Variants in DAAM1 observed in about 807,000 individuals in gnomAD.
DAAM1 encodes disheveled-associated activator of morphogenesis 1.
Under a neutral mutation model 130.0 loss-of-function variants are expected in DAAM1, and 52 were observed. That is an observed-to-expected ratio of 0.40 (90% CI 0.32 to 0.50). The LOEUF is 0.50. DAAM1 is among the 20% of genes least tolerant of loss of function. The pLI is 0.61. For synonymous variants in DAAM1, 452 were observed against 444.5 expected (o/e 1.02, Z -0.21); for missense variants, 1,134 against 1,303.8 (o/e 0.87, Z 2.01).
At chr14:59,241,341 G>A (rs1349726738) in intron 1 of DAAM1, among the ~76,000 whole-genome samples, 1 of 152,208 alleles carries the variant, frequency 6.6e-6, no homozygotes, top group Non-Finnish European at 1.5e-5. Context: ...TGGAACATCA[G>A]CCATATGGTT....
intron 1 of DAAM1, among the ~76,000 whole-genome samples, chr14:59,211,947 A>G (rs1003967718): frequency 6.6e-6 from 1 of 152,210 alleles, no homozygotes; most frequent in African/African-American, 2.4e-5. Flanking sequence ...GATAAATTTT[A>G]AGAAATATAA....
At chr14:59,341,564 A>G (rs1885849288) in intron 16 of DAAM1, among the ~76,000 whole-genome samples, 1 of 152,124 alleles carries the variant, frequency 6.6e-6, no homozygotes, top group Non-Finnish European at 1.5e-5. Context: ...ACTGTGCCTG[A>G]TTTATAAATT....
chr14:59,274,514 A>G (rs1281775753), intron 2 of DAAM1, among the ~76,000 whole-genome samples: 1 of 152,162 alleles, frequency 6.6e-6, no homozygotes, highest in East Asian at 1.9e-4. Flanking sequence ...CTCAGGTGTT[A>G]TATCTGACTT....
chr14:59,363,573 A>C, intron 22 of DAAM1, 78 bp from the exon 23 acceptor site: 1 of 1,576,214 alleles, frequency 6.3e-7, no homozygotes. Context: ...AATTTAAGGC[A>C]TGTGAAATAT....
chr14:59,353,748 G>A (rs1364742523), intron 18 of DAAM1, 128 bp from the exon 19 acceptor site: 4 of 785,058 alleles, frequency 5.1e-6, no homozygotes, highest in African/African-American at 1.7e-5. Flanking sequence ...AACAACTAAT[G>A]TATGTGTGTC....
chr14:59,339,491 T>C (rs1885761425), intron 15 of DAAM1, among the ~76,000 whole-genome samples: 1 of 152,244 alleles, frequency 6.6e-6, no homozygotes, highest in Non-Finnish European at 1.5e-5. Flanking sequence ...CCTTTTATTG[T>C]TAGTTCAGGT....
chr14:59,297,271 A>T (rs1883990251), intron 3 of DAAM1, among the ~76,000 whole-genome samples: 1 of 152,174 alleles, frequency 6.6e-6, no homozygotes, highest in African/African-American at 2.4e-5. Flanking sequence ...TGGTTGACCA[A>T]CATTTTGAAC....
chr14:59,311,739 G>A (rs1884605071), intron 3 of DAAM1, among the ~76,000 whole-genome samples: 1 of 152,068 alleles, frequency 6.6e-6, no homozygotes, highest in Non-Finnish European at 1.5e-5. Context: ...TTTATTGTTT[G>A]TGAGATAGGA....
In DAAM1 at chr14:59,351,615, CTGA is replaced by C. The variant is rs369659828; in HGVS notation, c.2161-907_2161-905del. On this transcript the variant is annotated intron_variant, in intron 17 of 24. Coordinates refer to ENST00000360909, the MANE Select transcript of DAAM1 (RefSeq NM_001270520.2). ...CTGTAATTCCAATTCCCTCTCTCTG[CTGA>C]TGACACCCAGACTAACTGCCTTTTC... Among the ~76,000 whole-genome samples the C allele has an allele frequency of 4.7e-4, 72 of 152,302 alleles. No individual in the cohort carries two copies. In the East Asian group the frequency reaches 9.4e-3, roughly 20 times the overall value.
intron 3 of DAAM1, among the ~76,000 whole-genome samples, chr14:59,298,439 G>C (rs1245548373): frequency 6.6e-6 from 1 of 152,258 alleles, no homozygotes; most frequent in South Asian, 2.1e-4. Context: ...CCGTTTACCT[G>C]TTTAGGCAAT....
chr14:59,367,995 T>A, intron 24 of DAAM1, among the ~76,000 whole-genome samples: 1 of 152,134 alleles, frequency 6.6e-6, no homozygotes, highest in Non-Finnish European at 1.5e-5. Context: ...TTGAAAGACA[T>A]GTATTCAAAG....
chr14:59,218,843 T>A (rs1451454509), intron 1 of DAAM1, among the ~76,000 whole-genome samples: 2 of 152,220 alleles, frequency 1.3e-5, no homozygotes, highest in Non-Finnish European at 2.9e-5. Context: ...TATAAATTTA[T>A]AAATACAAGA....
At chr14:59,363,839 T>C in intron 23 of DAAM1, 57 bp downstream of exon 23, 1 of 1,602,450 alleles carries the variant, frequency 6.2e-7, no homozygotes, top group East Asian at 2.2e-5. Flanking sequence ...TTCAGTGTGA[T>C]ACTTTCAGTT....
chr14:59,363,616 G>A (rs375794607), intron 22 of DAAM1, 35 bp from the exon 23 acceptor site: 139 of 1,612,882 alleles, frequency 8.6e-5, no homozygotes, highest in Non-Finnish European at 1.1e-4. Flanking sequence ...TGTATTTGAA[G>A]CCTGCATTGA....
At chr14:59,338,462 A>C (rs1396086039) in intron 15 of DAAM1, 1 of 1,599,450 alleles carries the variant, frequency 6.3e-7, no homozygotes, top group African/African-American at 1.3e-5. Flanking sequence ...TCCTTGGCTC[A>C]CTGTAAGCTT....
chr14:59,194,190 G>T (rs1887818946), intron 1 of DAAM1, among the ~76,000 whole-genome samples: 1 of 152,172 alleles, frequency 6.6e-6, no homozygotes, highest in Non-Finnish European at 1.5e-5. Context: ...AACTCGAGTT[G>T]GGGTAATCAC....
rs1417933282 is a variant in DAAM1 at position 59,342,346 on chromosome 14, C to A, written c.2075+2166C>A. ...ATTCAGTGCCCCGTCCTTTTGTGCT[C>A]ACTGGTCAGTTGTTTTACTCTCTCA... On this transcript the variant is annotated intron_variant, in intron 16 of 24. Transcript: ENST00000360909. 2.0e-5 allele frequency among the ~76,000 whole-genome samples: 3 copies of A among 152,204 alleles called. No homozygotes were observed. The East Asian group carries it at 5.8e-4, about 29-fold the overall frequency.
At chr14:59,239,261 A>C (rs721326) in intron 1 of DAAM1, among the ~76,000 whole-genome samples, 19,719 of 152,230 alleles carry the variant, frequency 0.13, 1,492 homozygotes, top group Middle Eastern at 0.19. Context: ...TGGTTATATA[A>C]AATAAGTAAT....
At chr14:59,239,619 A>G (rs960613641) in intron 1 of DAAM1, among the ~76,000 whole-genome samples, 1 of 151,924 alleles carries the variant, frequency 6.6e-6, no homozygotes, top group East Asian at 1.9e-4. Flanking sequence ...GTTTTGTCGT[A>G]TGCTTCCCCA....
Sources: gnomAD v4.1 joint callset for allele counts (sites outside exome capture counted in the v4.1 genomes callset) on GRCh38, gnomAD v4.1.1 for gene constraint, MANE v1.5 for transcripts, NCBI Gene and HGNC (gene_info 2026-07-23, HGNC 2026-07-21) for gene names.